The following WASHC2A variants were observed in gnomAD, a reference collection of about 807,000 sequenced individuals.
The protein encoded by WASHC2A is WASH complex subunit 2A.
In WASHC2A, 82 loss-of-function variants were observed where a neutral mutation model predicts 140.3. The observed-to-expected ratio is 0.58, with a 90% CI of 0.49 to 0.70. The LOEUF is 0.70. WASHC2A is among the 30% of genes least tolerant of loss of function. The pLI, the probability that WASHC2A is intolerant of heterozygous loss-of-function variation, is 0.00. For missense variants in WASHC2A, 985 were observed against 1,521.8 expected, an observed-to-expected ratio of 0.65 and a Z score of 5.87; for synonymous variants, 340 against 560.8, an observed-to-expected ratio of 0.61 and a Z score of 5.56.
At chr10:50,118,121 A>G (rs2805214) in intron 22 of WASHC2A, 63 bp downstream of exon 22, 7 of 1,242,500 alleles carry the variant, frequency 5.6e-6, no homozygotes, top group Non-Finnish European at 7.9e-6. Flanking sequence ...TCAAACACAC[A>G]CAACCCCTTA....
chr10:50,098,847 G>C (rs1366158392), intron 16 of WASHC2A, among the ~76,000 whole-genome samples: 1 of 148,188 alleles, frequency 6.7e-6, no homozygotes, highest in Non-Finnish European at 1.5e-5. Context: ...AAGCAGGCAG[G>C]GTTGTGCACT....
At chr10:50,089,109 C>T (rs1839650538) in intron 8 of WASHC2A, among the ~76,000 whole-genome samples, 1 of 151,222 alleles carries the variant, frequency 6.6e-6, no homozygotes, top group African/African-American at 2.4e-5. Context: ...GGATTATAGG[C>T]ATGTGCCACC....
Position 50,084,178 on chromosome 10 carries a change from A to G in WASHC2A, c.622+13A>G. 1 of 1,611,104 alleles carries G rather than the reference A, an allele frequency of 6.2e-7. No homozygotes were observed. The highest frequency in any genetic ancestry group is 1.1e-5 in the South Asian group (1 of 90,606). On this transcript the variant is annotated intron_variant, in intron 6 of 30. Transcript: ENST00000282633. The stretch of plus-strand genomic sequence containing the variant: ...CTGTCCAGTGAAGGTACTTTTCTTC[A>G]CCAAATAATTTTGTTCCTTAACATT...
chr10:50,107,650 G>A (rs535993557), intron 19 of WASHC2A, among the ~76,000 whole-genome samples: 228 of 152,198 alleles, frequency 1.5e-3, no homozygotes, highest in Non-Finnish European at 2.5e-3. Flanking sequence ...GGCCGGGCGT[G>A]GTGGCTCACG....
Position 50,129,673 on chromosome 10 carries a change from C to T in WASHC2A, c.3342C>T (p.Ser1114=). ...GTCCTGTGCCTGGAGTGGACAGAAG[C>T]CCCTTTGCAAAGTCTCTGGGTCATT... The part of the protein sequence containing the change: ...EGGPVPGVDR[S]PFAKSLGHSR... The change falls in exon 29 of 31, where the codon AGC becomes AGT. Residue 1114 remains serine, a synonymous_variant. Transcript: ENST00000282633. The T allele has an allele frequency of 6.2e-7, 1 of 1,612,070 alleles. No individual in the cohort carries two copies. Among genetic ancestry groups the T allele is most frequent in the Non-Finnish European group, 8.5e-7 (1 of 1,179,870 alleles).
chr10:50,131,964 C>CA lies in WASHC2A; in HGVS notation c.3887-841dup, dbSNP rs1043328881. Among the ~76,000 whole-genome samples the CA allele has an allele frequency of 2.2e-3, 341 of 152,368 alleles. 2 individuals are homozygous for CA. Among genetic ancestry groups the CA allele is most frequent in the African/African-American group, 8.0e-3 (331 of 41,582 alleles). The stretch of plus-strand genomic sequence containing the variant: ...ACAGTTTGGTGTGTATCCTTTCAGA[C>CA]ACAGTGATATTAATATATGTTTGTG... On this transcript the variant is annotated intron_variant, in intron 30 of 30. Transcript: ENST00000282633.
At chr10:50,071,492 A>T (rs1837808970) in intron 3 of WASHC2A, among the ~76,000 whole-genome samples, 1 of 151,974 alleles carries the variant, frequency 6.6e-6, no homozygotes, top group South Asian at 2.1e-4. Context: ...TTTTTAGAAG[A>T]GACGGGGTTT....
intron 5 of WASHC2A, among the ~76,000 whole-genome samples, chr10:50,081,392 G>A (rs1470168839): frequency 8.9e-6 from 1 of 112,722 alleles, no homozygotes; most frequent in African/African-American, 3.3e-5. Context: ...AAGGCATTTG[G>A]GTTGTTTCCG....
At chr10:50,069,169 G>A (rs1198697469) in intron 2 of WASHC2A, among the ~76,000 whole-genome samples, 6 of 152,018 alleles carry the variant, frequency 3.9e-5, no homozygotes, top group African/African-American at 1.2e-4. Context: ...GCTCACACCT[G>A]TAATCCTAGC....
intron 3 of WASHC2A, among the ~76,000 whole-genome samples, chr10:50,076,141 G>A (rs557834584): frequency 1.3e-5 from 2 of 151,960 alleles, no homozygotes; most frequent in African/African-American, 4.8e-5. Flanking sequence ...GGCCAGGCTG[G>A]TCTCAAACTC....
At chr10:50,123,206 TATAAC>T (rs1273276775) in intron 23 of WASHC2A, among the ~76,000 whole-genome samples, 1 of 122,410 alleles carries the variant, frequency 8.2e-6, no homozygotes, top group Non-Finnish European at 1.7e-5. Flanking sequence ...TTCAAATTCT[TATAAC>T]ATAAAGCTAC....
chr10:50,073,330 G>T (rs1838027291), intron 3 of WASHC2A, among the ~76,000 whole-genome samples: 1 of 152,024 alleles, frequency 6.6e-6, no homozygotes, highest in Non-Finnish European at 1.5e-5. Context: ...TTATGCCCAA[G>T]GTTAGAATTT....
At position 50,095,302 on chromosome 10, in the gene WASHC2A, A is replaced by G. The variant is rs1840365651; in HGVS notation, c.1240+95A>G. 6 of 1,118,016 alleles carry G rather than the reference A, an allele frequency of 5.4e-6. No homozygotes were observed. In the East Asian group the frequency reaches 1.5e-4, roughly 29 times the overall value. 69.3% of individuals were successfully genotyped at this position (1,118,016 alleles called of 1,614,324 possible). ...TTCTAAAGTCTGGCTGGAGATGAGG[A>G]AGTACCTGGGAGCTTCAAAGGGCTT... On this transcript the variant is annotated intron_variant, in intron 14 of 30. Transcript: ENST00000282633.
chr10:50,086,774 C>CTCAT (rs1476691674), intron 7 of WASHC2A, among the ~76,000 whole-genome samples: 7 of 117,324 alleles, frequency 6.0e-5, no homozygotes, highest in African/African-American at 2.2e-4. Flanking sequence ...AGGACATGAA[C>CTCAT]TCATCATTTT....
At chr10:50,109,915 T>G (rs1389784231) in intron 19 of WASHC2A, among the ~76,000 whole-genome samples, 186 bp from the exon 20 acceptor site, 51 of 151,654 alleles carry the variant, frequency 3.4e-4, no homozygotes, top group Non-Finnish European at 6.8e-4. Flanking sequence ...GACTACAGGC[T>G]CCCGCCACCA....
Position 50,091,532 on chromosome 10 carries a change from G to A in WASHC2A, c.931+14G>A, listed in dbSNP as rs1436280067. ...AGGAGCCGACAAGTGAGCCCCAGCC[G>A]CGTTGATGGGGAGTAGGGGGGGAGT... On this transcript the variant is annotated intron_variant, in intron 10 of 30. Transcript: ENST00000282633. The A allele has an allele frequency of 1.4e-5, 22 of 1,549,504 alleles. No homozygotes were observed. The Admixed American group carries it at 2.4e-4, about 17-fold the overall frequency.
rs917527218 is a variant in WASHC2A, at chr10:50,133,425, C to T, written c.*480C>T. ...TCACTGAATTCTGAGGGTGCCTCTG[C>T]ATGTCCTCCAAGGCAAAGTTTGGCA... On this transcript the variant is annotated 3_prime_UTR_variant, in exon 31 of 31. Transcript: ENST00000282633. 7.9e-5 allele frequency: 37 copies of T among 470,708 alleles called. No individual in the cohort carries two copies. Among genetic ancestry groups the T allele is most frequent in the Non-Finnish European group, 1.4e-4 (33 of 228,256 alleles). The allele number at this position is 470,708 out of a possible 1,614,324, so 29.2% of individuals were successfully genotyped here.
Position 50,110,238 on chromosome 10 carries a change from A to G in WASHC2A, c.2007A>G (p.Glu669=). The G allele has an allele frequency of 1.2e-6, 2 of 1,611,922 alleles. No individual in the cohort carries two copies. The highest frequency in any genetic ancestry group is 4.5e-5 in the East Asian group (2 of 44,880). Residue 669 remains glutamate, a synonymous_variant, in exon 20 of 31, where the codon GAA becomes GAG. Coordinates refer to ENST00000282633, the MANE Select transcript of WASHC2A (RefSeq NM_001005751.3). The part of the protein sequence containing the change: ...VKKTSLFEED[E]EDDLFAIAKD... ...AGACCAGTCTCTTTGAGGAAGACGA[A>G]GAAGATGATCTTTTTGCCATTGCCA... is the stretch of plus-strand genomic sequence containing the variant.
Position 50,104,217 on chromosome 10 carries a change from A to T in WASHC2A, c.1737+74A>T, listed in dbSNP as rs561357788. The T allele has an allele frequency of 1.0e-4, 152 of 1,521,576 alleles. 1 individual carries two copies. The East Asian group carries it at 2.0e-3, about 20-fold the overall frequency. 94.3% of individuals were successfully genotyped at this position (1,521,576 alleles called of 1,614,324 possible). On this transcript the variant is annotated intron_variant, in intron 18 of 30. Transcript: ENST00000282633. ...GTTGTTGATGCAACTTTCTACCCAG[A>T]GGCTCATATACTAGCAAAAGGTGGT...
Sources: gnomAD v4.1 joint callset for allele counts (sites outside exome capture counted in the v4.1 genomes callset) on GRCh38, gnomAD v4.1.1 for gene constraint, MANE v1.5 for transcripts, NCBI Gene and HGNC (gene_info 2026-07-23, HGNC 2026-07-21) for gene names.